Variants in CSMD1 observed in about 807,000 individuals in gnomAD.
The protein encoded by CSMD1 is CUB and sushi domain-containing protein 1.
Under a neutral mutation model 417.5 loss-of-function variants are expected in CSMD1, and 213 were observed. The observed-to-expected ratio is 0.51, with a 90% CI of 0.46 to 0.57. CSMD1 has a LOEUF of 0.57. Ranked by LOEUF, CSMD1 falls within the 20% of genes least tolerant of loss-of-function variation. CSMD1 has a pLI of 0.00. For synonymous variants in CSMD1, 2,862 were observed against 1,736.8 expected (o/e 1.65, Z -16.11); for missense variants, 6,923 against 4,529.7 (o/e 1.53, Z -15.17).
At chr8:4,660,098 G>C (rs916468475) in intron 1 of CSMD1, among the ~76,000 whole-genome samples, 2 of 136,644 alleles carry the variant, frequency 1.5e-5, no homozygotes, top group African/African-American at 2.8e-5. Context: ...ATATAATTGG[G>C]AGTTCTCAAC....
chr8:3,214,238 C>T lies in CSMD1; in HGVS notation c.4867+259G>A, dbSNP rs189872716. Among the ~76,000 whole-genome samples the T allele has an allele frequency of 4.6e-4, 70 of 152,046 alleles. 3 individuals are homozygous for T. The highest frequency in any genetic ancestry group is 1.9e-4 in the East Asian group (1 of 5,158). On this transcript the variant is annotated intron_variant, in intron 30 of 69. Transcript: ENST00000635120. ...TTATAAAGAACAGATCTAGAACACACAAAAACAGAAGTGAAAAATGTAAAA... is the reference window on the plus strand; with the variant it reads ...TTATAAAGAACAGATCTAGAACACATAAAAACAGAAGTGAAAAATGTAAAA...
chr8:4,945,523 TG>T (rs1808307545), intron 1 of CSMD1, among the ~76,000 whole-genome samples: 1 of 127,326 alleles, frequency 7.9e-6, no homozygotes, highest in East Asian at 3.3e-4. Context: ...AGGAAGGACA[TG>T]AAAAAAAAAA....
intron 1 of CSMD1, among the ~76,000 whole-genome samples, chr8:4,719,744 A>C (rs1808928136): frequency 1.3e-5 from 2 of 152,206 alleles, no homozygotes; most frequent in Non-Finnish European, 2.9e-5. Context: ...AAGAATTCCT[A>C]ATATGCACTT....
chr8:4,689,244 C>A (rs1052475579), intron 1 of CSMD1, among the ~76,000 whole-genome samples: 9 of 152,114 alleles, frequency 5.9e-5, no homozygotes, highest in African/African-American at 1.9e-4. Context: ...TTAAACCAAG[C>A]GTAACAGTAT....
At chr8:4,425,264 A>T (rs185540741) in intron 2 of CSMD1, among the ~76,000 whole-genome samples, 3 of 152,076 alleles carry the variant, frequency 2.0e-5, no homozygotes, top group African/African-American at 7.2e-5. Context: ...GAGTGTCATA[A>T]GACTACTGTT....
At position 4,074,988 on chromosome 8, in the gene CSMD1, A is replaced by G. The variant is rs74446119; in HGVS notation, c.416-42889T>C. On this transcript the variant is annotated intron_variant, in intron 3 of 69. Transcript: ENST00000635120. The stretch of plus-strand genomic sequence containing the variant: ...GTCTGCCTTCCCTAATGGGATATGA[A>G]CTCTACAAATGGGGACATGCCTGTC... Among the ~76,000 whole-genome samples the G allele has an allele frequency of 6.4e-3, 971 of 152,170 alleles. 10 individuals are homozygous for G. Among genetic ancestry groups the G allele is most frequent in the African/African-American group, 0.022 (932 of 41,522 alleles).
intron 26 of CSMD1, among the ~76,000 whole-genome samples, chr8:3,274,950 T>G (rs1802161936): frequency 1.3e-5 from 2 of 152,160 alleles, no homozygotes; most frequent in Non-Finnish European, 1.5e-5. Flanking sequence ...TATTGTTATG[T>G]GTGAATTTGA....
intron 2 of CSMD1, among the ~76,000 whole-genome samples, chr8:4,479,870 G>A (rs1182066424): frequency 6.6e-6 from 1 of 151,760 alleles, no homozygotes; most frequent in African/African-American, 2.4e-5. Context: ...GGAGGCTGAG[G>A]CAGGAGAATT....
chr8:4,006,026 G>A (rs540156593), intron 4 of CSMD1, among the ~76,000 whole-genome samples: 3 of 152,198 alleles, frequency 2.0e-5, no homozygotes, highest in African/African-American at 4.8e-5. Context: ...CAATATTTAG[G>A]ACAGATTTGA....
At chr8:3,879,823 C>T (rs1000914966) in intron 5 of CSMD1, among the ~76,000 whole-genome samples, 4 of 134,132 alleles carry the variant, frequency 3.0e-5, no homozygotes, top group African/African-American at 8.8e-5. Context: ...GAGTGTGTAC[C>T]GGTGTGCGTG....
At chr8:4,902,889 T>C (rs568592499) in intron 1 of CSMD1, among the ~76,000 whole-genome samples, 23 of 151,704 alleles carry the variant, frequency 1.5e-4, no homozygotes, top group African/African-American at 5.1e-4. Flanking sequence ...ATGTACTGCA[T>C]GTATATTTTT....
chr8:3,489,863 G>C (rs1402545391), intron 11 of CSMD1, among the ~76,000 whole-genome samples: 1 of 152,152 alleles, frequency 6.6e-6, no homozygotes, highest in Non-Finnish European at 1.5e-5. Flanking sequence ...AAAATATTGA[G>C]TTTGAAGTAG....
intron 3 of CSMD1, among the ~76,000 whole-genome samples, chr8:4,199,925 G>A (rs550979840): frequency 1.3e-5 from 2 of 152,138 alleles, no homozygotes; most frequent in Non-Finnish European, 2.9e-5. Flanking sequence ...GGTGAAGTAC[G>A]GTTACAAGGA....
At chr8:3,288,110 G>A (rs143988509) in intron 25 of CSMD1, among the ~76,000 whole-genome samples, 6,443 of 147,060 alleles carry the variant, frequency 0.044, 1,393 homozygotes, top group African/African-American at 0.17. Context: ...TACATTTATC[G>A]ATTTTCATTT....
In CSMD1 at chr8:3,560,442, T is replaced by C. The variant is rs890647024; in HGVS notation, c.1344+14503A>G. On this transcript the variant is annotated intron_variant, in intron 10 of 69. Coordinates refer to ENST00000635120, the MANE Select transcript of CSMD1 (RefSeq NM_033225.6). ...AGCTGCAAAATGGGCAAAGTCAAGA[T>C]GGGATCCCAGGTCTGTGAACTCCAG... Among the ~76,000 whole-genome samples, 12 of 152,138 alleles carry C rather than the reference T, an allele frequency of 7.9e-5. No homozygotes were observed. In the South Asian group the frequency reaches 2.1e-3, roughly 26 times the overall value.
At chr8:4,271,254 G>C (rs1452584983) in intron 3 of CSMD1, among the ~76,000 whole-genome samples, 1 of 152,140 alleles carries the variant, frequency 6.6e-6, no homozygotes, top group Non-Finnish European at 1.5e-5. Context: ...TGGACACTCA[G>C]GACCATGAAG....
intron 5 of CSMD1, among the ~76,000 whole-genome samples, chr8:3,821,218 C>G (rs946592405): frequency 1.3e-5 from 2 of 152,076 alleles, no homozygotes; most frequent in South Asian, 2.1e-4. Context: ...GTACCCAGCT[C>G]TAGGTTAACT....
At chr8:4,092,099 G>A (rs1800752782) in intron 3 of CSMD1, among the ~76,000 whole-genome samples, 1 of 152,094 alleles carries the variant, frequency 6.6e-6, no homozygotes, top group Non-Finnish European at 1.5e-5. Flanking sequence ...ACGTAATTCT[G>A]ATTATTCTTA....
At chr8:4,084,837 A>T (rs867350219) in intron 3 of CSMD1, among the ~76,000 whole-genome samples, 3 of 148,486 alleles carry the variant, frequency 2.0e-5, no homozygotes, top group Non-Finnish European at 4.4e-5. Flanking sequence ...GCTCTGTTCC[A>T]TCTTGAAGAA....
Sources: allele counts gnomAD v4.1 joint callset (sites outside exome capture counted in the v4.1 genomes callset), GRCh38; gene constraint gnomAD v4.1.1; transcripts MANE v1.5; gene names NCBI Gene and HGNC (gene_info 2026-07-23, HGNC 2026-07-21).